Variants in CDK6 observed in about 807,000 individuals in gnomAD.
CDK6 encodes cyclin-dependent kinase 6.
A neutral mutation model predicts 37.1 loss-of-function variants in CDK6; 6 were observed. The ratio of observed to expected loss-of-function variants is 0.16; its 90% CI spans 0.09 to 0.32. The LOEUF is 0.32. CDK6 is among the 10% of genes least tolerant of loss of function. CDK6 has a pLI of 1.00. For synonymous variants in CDK6, 160 were observed against 161.3 expected (o/e 0.99, Z 0.06); for missense variants, 224 against 418.9 (o/e 0.53, Z 4.06).
intron 4 of CDK6, among the ~76,000 whole-genome samples, chr7:92,678,519 C>G (rs954430895): frequency 1.3e-5 from 2 of 152,092 alleles, no homozygotes; most frequent in African/African-American, 4.8e-5. Flanking sequence ...TTTTTTGAAC[C>G]TGTTCAATAA....
intron 4 of CDK6, among the ~76,000 whole-genome samples, chr7:92,678,682 T>C (rs1797262649): frequency 6.6e-6 from 1 of 152,238 alleles, no homozygotes; most frequent in Admixed American, 6.5e-5. Context: ...TTCATCCTCA[T>C]TATATGGCCA....
chr7:92,828,241 G>T (rs535092161), intron 2 of CDK6, among the ~76,000 whole-genome samples: 4 of 151,984 alleles, frequency 2.6e-5, no homozygotes, highest in Non-Finnish European at 4.4e-5. Context: ...CTTCAGTATG[G>T]CATACTGCAG....
At chr7:92,623,961 T>C (rs1255798156) in intron 5 of CDK6, among the ~76,000 whole-genome samples, 2 of 152,180 alleles carry the variant, frequency 1.3e-5, no homozygotes, top group African/African-American at 4.8e-5. Flanking sequence ...CTAAAATAGT[T>C]GTAGTCTATT....
Position 92,672,190 on chromosome 7 carries a change from T to TACACACACACACACACAC in CDK6, c.538-673_538-656dup, listed in dbSNP as rs71107866. On this transcript the variant is annotated intron_variant, in intron 4 of 7. Transcript: ENST00000424848. ...ATACACACACACACACACAGACACATACACACACACACACACACACACACA... is the reference window on the plus strand; with the variant it reads ...ATACACACACACACACACAGACACATACACACACACACACACACACACACACACACACACACACACACA... Among the ~76,000 whole-genome samples the TACACACACACACACACAC allele has an allele frequency of 4.5e-4, 28 of 62,766 alleles. 2 individuals carry two copies. Among genetic ancestry groups the TACACACACACACACACAC allele is most frequent in the East Asian group, 1.8e-3 (3 of 1,696 alleles). The allele number at this position is 62,766 out of a possible 152,430, so 41.2% of individuals were successfully genotyped here.
chr7:92,700,281 T>C (rs1797813644), intron 4 of CDK6, among the ~76,000 whole-genome samples: 1 of 152,198 alleles, frequency 6.6e-6, no homozygotes, highest in South Asian at 2.1e-4. Flanking sequence ...CAGATATGCA[T>C]TATTCTACAT....
chr7:92,791,978 G>A (rs1052149443), intron 2 of CDK6, among the ~76,000 whole-genome samples: 1 of 152,078 alleles, frequency 6.6e-6, no homozygotes, highest in African/African-American at 2.4e-5. Context: ...TGGGCACTGG[G>A]AAAAAAGCAA....
chr7:92,712,849 T>C (rs1345712691), intron 4 of CDK6, among the ~76,000 whole-genome samples: 1 of 150,380 alleles, frequency 6.6e-6, no homozygotes, highest in East Asian at 1.9e-4. Flanking sequence ...TATGTATGTA[T>C]GTATGTATGT....
At chr7:92,676,867 G>C (rs1477415766) in intron 4 of CDK6, among the ~76,000 whole-genome samples, 1 of 151,666 alleles carries the variant, frequency 6.6e-6, no homozygotes, top group Non-Finnish European at 1.5e-5. Flanking sequence ...CCTGAGGCAG[G>C]AGAATGGCGT....
chr7:92,771,801 T>C (rs781075961), intron 3 of CDK6, among the ~76,000 whole-genome samples: 2 of 152,220 alleles, frequency 1.3e-5, no homozygotes, highest in Non-Finnish European at 2.9e-5. Flanking sequence ...AATTTCTGTG[T>C]TCCCAATAGG....
intron 3 of CDK6, among the ~76,000 whole-genome samples, chr7:92,756,150 G>C (rs1469441221): frequency 7.0e-6 from 1 of 143,324 alleles, no homozygotes; most frequent in African/African-American, 2.9e-5. Flanking sequence ...ATAGAGGCAT[G>C]TAAAATTGTA....
At chr7:92,622,958 G>T in intron 6 of CDK6, 78 bp downstream of exon 6, 1 of 834,736 alleles carries the variant, frequency 1.2e-6, no homozygotes, top group Non-Finnish European at 2.0e-6. Context: ...ATAAACACAT[G>T]ATATGCATGT....
chr7:92,826,185 C>G (rs989739058), intron 2 of CDK6, among the ~76,000 whole-genome samples: 2 of 151,962 alleles, frequency 1.3e-5, no homozygotes, highest in Non-Finnish European at 2.9e-5. Flanking sequence ...AGGATATAAA[C>G]GAATGTAATC....
rs539999631 is a variant in CDK6 at position 92,806,247 on chromosome 7, C to G, written c.233+26844G>C. Among the ~76,000 whole-genome samples, 6 of 152,248 alleles carry G rather than the reference C, an allele frequency of 3.9e-5. No individual in the cohort carries two copies. The East Asian group carries it at 1.2e-3, about 29-fold the overall frequency. On this transcript the variant is annotated intron_variant, in intron 2 of 7. Transcript: ENST00000424848. ...ACCTAGATAGTTGGGGCTTTTCTTCCTATACTTATGAATATAAATAGAAGT... is the reference window on the plus strand; with the variant it reads ...ACCTAGATAGTTGGGGCTTTTCTTCGTATACTTATGAATATAAATAGAAGT...
At chr7:92,785,350 G>A (rs532811460) in intron 2 of CDK6, among the ~76,000 whole-genome samples, 4 of 152,238 alleles carry the variant, frequency 2.6e-5, no homozygotes, top group East Asian at 1.9e-4. Flanking sequence ...TATAGAAATC[G>A]AAAGTGGATT....
chr7:92,645,965 C>T (rs1054001601), intron 5 of CDK6, among the ~76,000 whole-genome samples: 1 of 152,124 alleles, frequency 6.6e-6, no homozygotes, highest in African/African-American at 2.4e-5. Context: ...TCATATAATC[C>T]AACGGTGATT....
chr7:92,670,151 A>C (rs1027157441), intron 5 of CDK6, among the ~76,000 whole-genome samples: 9 of 152,238 alleles, frequency 5.9e-5, no homozygotes, highest in Non-Finnish European at 1.2e-4. Context: ...ATGTTAGACA[A>C]ATAAATGTAC....
At chr7:92,773,677 T>C (rs372158782) in intron 3 of CDK6, among the ~76,000 whole-genome samples, 3 of 152,186 alleles carry the variant, frequency 2.0e-5, no homozygotes, top group South Asian at 4.1e-4. Context: ...CCAGATTCTT[T>C]AATGAGAGCC....
intron 5 of CDK6, among the ~76,000 whole-genome samples, chr7:92,638,073 A>T (rs1796214980): frequency 1.3e-5 from 2 of 152,066 alleles, no homozygotes; most frequent in Admixed American, 1.3e-4. Context: ...AGATGGTATA[A>T]TTTTAGCTCA....
At chr7:92,667,524 A>C (rs1796985260) in intron 5 of CDK6, among the ~76,000 whole-genome samples, 2 of 151,522 alleles carry the variant, frequency 1.3e-5, no homozygotes, top group South Asian at 4.2e-4. Context: ...TCATTACAAA[A>C]GAATCAAAAA....
Sources: allele counts gnomAD v4.1 joint callset (sites outside exome capture counted in the v4.1 genomes callset), GRCh38; gene constraint gnomAD v4.1.1; transcripts MANE v1.5; gene names NCBI Gene and HGNC (gene_info 2026-07-23, HGNC 2026-07-21).